Variants in CEP164 observed in about 807,000 individuals in gnomAD.
CEP164 encodes the protein centrosomal protein 164, also known as centrosomal protein of 164 kDa.
CEP164 carries 162 observed loss-of-function variants against 182.7 expected under a neutral mutation model. The observed-to-expected ratio is 0.89, with a 90% CI of 0.78 to 1.01. CEP164 has a LOEUF of 1.01. Among genes scored for constraint, CEP164 ranks in the 50% least tolerant of loss-of-function variants. CEP164 has a pLI of 0.00. For missense variants in CEP164, 1,735 were observed against 1,790.4 expected (o/e 0.97, Z 0.56); for synonymous variants, 661 against 690.0 (o/e 0.96, Z 0.66).
At chr11:117,326,553 T>C (rs1032060539), upstream of CEP164, among the ~76,000 whole-genome samples, 1 of 152,222 alleles carries the variant, frequency 6.6e-6, no homozygotes, top group South Asian at 2.1e-4. Flanking sequence ...ATTACAGATA[T>C]GAGCCACCAG....
At position 117,330,941 on chromosome 11, in the gene CEP164, T is replaced by C. The variant is rs907809972; in HGVS notation, c.-98+3037T>C. Among the ~76,000 whole-genome samples, 3 of 152,342 alleles carry C rather than the reference T, an allele frequency of 2.0e-5. No homozygotes were observed. In the East Asian group the frequency reaches 5.8e-4, roughly 29 times the overall value. The stretch of plus-strand genomic sequence containing the variant: ...CAGCTAGTAAGAGGCAGAGCTGGGA[T>C]TGAAAGCCAAGAATGTTCCAAAGCT... On this transcript the variant is annotated intron_variant, in intron 1 of 32. Coordinates refer to ENST00000278935, the MANE Select transcript of CEP164 (RefSeq NM_014956.5).
chr11:117,377,852 CTTTCT>C (rs1000056575), intron 11 of CEP164, among the ~76,000 whole-genome samples: 247 of 152,012 alleles, frequency 1.6e-3, no homozygotes, highest in African/African-American at 5.6e-3. Flanking sequence ...TTCTTTCTTT[CTTTCT>C]TTTCTTTTCT....
chr11:117,393,470 G>A (rs1310683068), intron 20 of CEP164, among the ~76,000 whole-genome samples: 1 of 152,172 alleles, frequency 6.6e-6, no homozygotes, highest in South Asian at 2.1e-4. Context: ...GCCAAGAACT[G>A]TTCTGAGCTC....
chr11:117,359,823 G>T (rs944922244), intron 5 of CEP164, among the ~76,000 whole-genome samples: 2 of 152,126 alleles, frequency 1.3e-5, no homozygotes, highest in African/African-American at 4.8e-5. Flanking sequence ...ACTCACAAAG[G>T]CCCCTAGCAC....
In CEP164 at chr11:117,396,194, TG is replaced by T. The variant is rs2045434864; in HGVS notation, c.3216+18del. 1.8e-5 allele frequency: 7 copies of T among 383,074 alleles called. No individual in the cohort carries two copies. Among genetic ancestry groups the T allele is most frequent in the East Asian group, 6.8e-5 (1 of 14,624 alleles). 23.7% of individuals were successfully genotyped at this position (383,074 alleles called of 1,614,324 possible). ...TCCCTTGGAACAGTGAGCTGGGGGC[TG>T]GGGCCTGGGGGCTGGGGCACCAGGA... On this transcript the variant is annotated intron_variant, in intron 25 of 32. Transcript: ENST00000278935.
At position 117,355,677 on chromosome 11, in the gene CEP164, G is replaced by A. The variant is rs370359447; in HGVS notation, c.393+3689G>A. ...TGGCAGGGAGTTCCTGGGGAAGGTG[G>A]GAGCATAGGCAGCGGGAGGAGGAGG... On this transcript the variant is annotated intron_variant, in intron 5 of 32. Coordinates refer to ENST00000278935, the MANE Select transcript of CEP164 (RefSeq NM_014956.5). 566 of 1,190,160 alleles carry A rather than the reference G, an allele frequency of 4.8e-4. 3 individuals carry two copies. The African/African-American group carries it at 8.3e-3, about 17-fold the overall frequency. The allele number at this position is 1,190,160 out of a possible 1,614,324, so 73.7% of individuals were successfully genotyped here. A position where few individuals can be genotyped will look rare whatever the true frequency, so the allele number is the denominator to read the frequency against.
chr11:117,395,067 G>T lies in CEP164; in HGVS notation c.2845-56G>T, dbSNP rs77509523. On this transcript the variant is annotated intron_variant, in intron 22 of 32. Coordinates refer to ENST00000278935, the MANE Select transcript of CEP164 (RefSeq NM_014956.5). ...GCTTCTCTAGCAGAGGGCAGGCTCT[G>T]CCCCTCAGACCTGGGGTCTGCAGTC... 349 of 1,612,790 alleles carry T rather than the reference G, an allele frequency of 2.2e-4. No homozygotes were observed. The African/African-American group carries it at 3.7e-3, about 17-fold the overall frequency.
upstream of CEP164, chr11:117,324,077 C>T (rs1019182497): frequency 8.9e-6 from 2 of 225,798 alleles, no homozygotes; most frequent in Non-Finnish European, 1.9e-5. Context: ...AAATGTTCAT[C>T]CTTACTGTAG....
chr11:117,392,139 T>C (rs921387371), intron 17 of CEP164, 87 bp from the exon 18 acceptor site: 19 of 1,206,560 alleles, frequency 1.6e-5, no homozygotes, highest in African/African-American at 3.0e-5. Flanking sequence ...TCTCGAGGGC[T>C]TGGGGGTCGG....
chr11:117,379,852 C>CT (rs58534321), intron 11 of CEP164, among the ~76,000 whole-genome samples: 45,393 of 116,720 alleles, frequency 0.39, 8,794 homozygotes, highest in East Asian at 0.45. Flanking sequence ...ATAGTTCTTC[C>CT]TTTTTTTTTT....
At position 117,395,691 on chromosome 11, in the gene CEP164, G is replaced by A. The variant is rs1316999665; in HGVS notation, c.3058G>A (p.Ala1020Thr). The A allele has an allele frequency of 1.9e-6, 3 of 1,612,710 alleles. No homozygotes were observed. In the South Asian group the frequency reaches 3.3e-5, roughly 18 times the overall value. ...KLESQVDLLQ[A>T]QSQQLQKHFS... ...GGAGTCCCAAGTGGATCTGCTGCAG[G>A]CTCAGAGCCAGCAACTGCAGAAACA... Residue 1020 changes from alanine to threonine, a missense_variant, in exon 24 of 33, where the codon GCT becomes ACT. Coordinates refer to ENST00000278935, the MANE Select transcript of CEP164 (RefSeq NM_014956.5).
chr11:117,381,297 C>G (rs1009965443), intron 12 of CEP164, among the ~76,000 whole-genome samples: 2 of 152,224 alleles, frequency 1.3e-5, no homozygotes, highest in Admixed American at 1.3e-4. Flanking sequence ...CTATCCATGA[C>G]AGCTTCATGC....
At chr11:117,389,057 A>T (rs1354980782) in intron 15 of CEP164, among the ~76,000 whole-genome samples, 1 of 152,144 alleles carries the variant, frequency 6.6e-6, no homozygotes, top group East Asian at 1.9e-4. Flanking sequence ...GGCGTGAGCC[A>T]CTGTGCCCGG....
At chr11:117,408,610 G>A (rs1398067968) in intron 28 of CEP164, 3 of 436,092 alleles carry the variant, frequency 6.9e-6, no homozygotes, top group African/African-American at 6.0e-5. Flanking sequence ...AGGGTACCTG[G>A]TGGAACTCTG....
chr11:117,374,074 A>G (rs1484905487), intron 10 of CEP164, among the ~76,000 whole-genome samples: 2 of 152,012 alleles, frequency 1.3e-5, no homozygotes, highest in East Asian at 3.8e-4. Flanking sequence ...AAACATTAAT[A>G]ATATAATTAT....
rs2042168553 is a variant in CEP164, at chr11:117,371,251, A to G, written c.937A>G (p.Lys313Glu). The change falls in exon 9 of 33, where the codon AAA (lysine) becomes GAA (glutamate). Residue 313 changes from lysine to glutamate, a missense_variant. Transcript: ENST00000278935. ...GSGARPGLPE[K>E]EENEKSEPKI... ...TGGAGCAAGACCTGGTCTTCCAGAAAAAGAGGAAAATGAGAAGAGTGAACC... is the reference window on the plus strand; with the variant it reads ...TGGAGCAAGACCTGGTCTTCCAGAAGAAGAGGAAAATGAGAAGAGTGAACC... 1 of 1,614,122 alleles carries G rather than the reference A, an allele frequency of 6.2e-7. No individual in the cohort carries two copies. The highest frequency in any genetic ancestry group is 1.3e-5 in the African/African-American group (1 of 74,942).
At chr11:117,328,082 G>C (rs2035594096) in intron 1 of CEP164, 178 bp downstream of exon 1, 2 of 152,334 alleles carry the variant, frequency 1.3e-5, no homozygotes, top group Non-Finnish European at 2.9e-5. Context: ...CAACGAGCGT[G>C]ATGCGCTCGA....
chr11:117,362,136 T>A, intron 6 of CEP164, 143 bp downstream of exon 6: 1 of 851,812 alleles, frequency 1.2e-6, no homozygotes, highest in Non-Finnish European at 1.8e-6. Context: ...AAAATGTAAT[T>A]CGCACCTGTA....
intron 25 of CEP164, 132 bp downstream of exon 25, chr11:117,396,312 G>C (rs898902344): frequency 6.5e-6 from 7 of 1,076,744 alleles, no homozygotes; most frequent in African/African-American, 1.6e-5. Flanking sequence ...GAGGGGAGGA[G>C]TATAAGGTGG....
Sources: allele counts gnomAD v4.1 joint callset (sites outside exome capture counted in the v4.1 genomes callset), GRCh38; gene constraint gnomAD v4.1.1; transcripts MANE v1.5; gene names NCBI Gene and HGNC (gene_info 2026-07-23, HGNC 2026-07-21).